Variants in ARHGAP10 observed in about 807,000 individuals in gnomAD.
ARHGAP10 encodes rho GTPase-activating protein 10.
ARHGAP10 carries 87 observed loss-of-function variants against 108.6 expected under a neutral mutation model. The observed-to-expected ratio is 0.80, with a 90% CI of 0.67 to 0.96. The LOEUF (loss-of-function observed/expected upper bound fraction) is 0.96, where lower values mean the gene tolerates loss of function less well. ARHGAP10 is among the 40% of genes least tolerant of loss of function. The pLI is 0.00. For missense variants in ARHGAP10, 939 were observed against 954.5 expected, an observed-to-expected ratio of 0.98 and a Z score of 0.21; for synonymous variants, 347 against 341.1, an observed-to-expected ratio of 1.02 and a Z score of -0.19.
chr4:147,999,398 C>T (rs1009393257), intron 18 of ARHGAP10, among the ~76,000 whole-genome samples: 11 of 152,240 alleles, frequency 7.2e-5, no homozygotes, highest in Admixed American at 5.2e-4. Context: ...TCTTCTGGTC[C>T]GTGTTTGTTA....
chr4:147,824,852 C>G (rs1732641222), intron 3 of ARHGAP10, among the ~76,000 whole-genome samples: 1 of 152,190 alleles, frequency 6.6e-6, no homozygotes, highest in Non-Finnish European at 1.5e-5. Flanking sequence ...CAAACCATAT[C>G]AGCCAGGAGC....
At chr4:147,970,863 A>G (rs913296248) in intron 18 of ARHGAP10, among the ~76,000 whole-genome samples, 12 of 152,162 alleles carry the variant, frequency 7.9e-5, no homozygotes, top group South Asian at 4.1e-4. Context: ...CAAGGCGGGC[A>G]GATCACCTGA....
intron 18 of ARHGAP10, among the ~76,000 whole-genome samples, chr4:148,005,791 A>T (rs1204137601): frequency 1.3e-5 from 2 of 152,272 alleles, no homozygotes; most frequent in Non-Finnish European, 2.9e-5. Context: ...AACGTGAAGC[A>T]GTGAGAGAAG....
At chr4:147,966,137 T>G (rs910670782) in intron 17 of ARHGAP10, among the ~76,000 whole-genome samples, 3 of 152,246 alleles carry the variant, frequency 2.0e-5, no homozygotes, top group African/African-American at 7.2e-5. Flanking sequence ...AGTCTAGTAT[T>G]CCTTGGAAGC....
intron 15 of ARHGAP10, among the ~76,000 whole-genome samples, chr4:147,947,728 C>G (rs1418186440): frequency 6.6e-6 from 1 of 152,040 alleles, no homozygotes; most frequent in African/African-American, 2.4e-5. Context: ...TTTAACCATA[C>G]ATAGGGTTGT....
intron 1 of ARHGAP10, among the ~76,000 whole-genome samples, chr4:147,733,238 CTG>C (rs1728294343): frequency 6.6e-6 from 1 of 152,148 alleles, no homozygotes; most frequent in African/African-American, 2.4e-5. Flanking sequence ...GGAGAGATAA[CTG>C]TATTTTAGTG....
At chr4:147,975,841 T>C (rs1739571926) in intron 18 of ARHGAP10, among the ~76,000 whole-genome samples, 1 of 152,238 alleles carries the variant, frequency 6.6e-6, no homozygotes, top group Non-Finnish European at 1.5e-5. Context: ...AGAATAATGT[T>C]ACGTGCACAT....
At chr4:147,935,007 G>A (rs368149785) in intron 13 of ARHGAP10, among the ~76,000 whole-genome samples, 3 of 152,186 alleles carry the variant, frequency 2.0e-5, no homozygotes, top group East Asian at 3.8e-4. Context: ...AACCAGAATA[G>A]CACCTGGCAC....
chr4:147,763,873 G>A lies in ARHGAP10; in HGVS notation c.154+31418G>A, dbSNP rs1019216143. Among the ~76,000 whole-genome samples the A allele has an allele frequency of 8.6e-5, 13 of 150,628 alleles. No individual in the cohort carries two copies. The East Asian group carries it at 2.6e-3, about 30-fold the overall frequency. On this transcript the variant is annotated intron_variant, in intron 1 of 22. Transcript: ENST00000336498. ...GGGCTCAGGTGATTCTTGTGCCTCA[G>A]CCTCCTGAGTAGCTGGGATTACAGG... is the stretch of plus-strand genomic sequence containing the variant.
chr4:147,766,288 T>C (rs1044996296), intron 1 of ARHGAP10, among the ~76,000 whole-genome samples: 1 of 151,936 alleles, frequency 6.6e-6, no homozygotes, highest in African/African-American at 2.4e-5. Flanking sequence ...AGACTCCATC[T>C]GAGGTGGGTA....
At chr4:147,937,345 T>G (rs1465410178) in intron 13 of ARHGAP10, among the ~76,000 whole-genome samples, 1 of 152,168 alleles carries the variant, frequency 6.6e-6, no homozygotes, top group Non-Finnish European at 1.5e-5. Context: ...TCATGGTGGA[T>G]TTGTGCCCAC....
intron 1 of ARHGAP10, among the ~76,000 whole-genome samples, chr4:147,753,413 G>C (rs1244459498): frequency 6.6e-6 from 1 of 150,504 alleles, no homozygotes; most frequent in Non-Finnish European, 1.5e-5. Context: ...ATGTGATCTC[G>C]GCTCACTACA....
chr4:147,838,398 AT>A (rs1365171548), intron 3 of ARHGAP10, among the ~76,000 whole-genome samples: 1 of 151,782 alleles, frequency 6.6e-6, no homozygotes, highest in East Asian at 1.9e-4. Flanking sequence ...TCAGCCCATG[AT>A]TTCGAGGCTG....
chr4:147,912,852 T>C (rs907385602), intron 12 of ARHGAP10, among the ~76,000 whole-genome samples: 1 of 151,522 alleles, frequency 6.6e-6, no homozygotes, highest in Non-Finnish European at 1.5e-5. Context: ...CTCACCATGT[T>C]CCCCAGGCAA....
At chr4:147,964,418 G>C (rs1560848581) in intron 16 of ARHGAP10, among the ~76,000 whole-genome samples, 1 of 152,088 alleles carries the variant, frequency 6.6e-6, no homozygotes. Context: ...GCTTCCCCAC[G>C]TGGCTGTGCA....
chr4:147,786,139 G>A (rs1730880876), intron 1 of ARHGAP10, among the ~76,000 whole-genome samples: 1 of 152,134 alleles, frequency 6.6e-6, no homozygotes, highest in South Asian at 2.1e-4. Flanking sequence ...GAGGAGCTGT[G>A]AAATCTCTAA....
At chr4:148,027,559 T>A (rs1206114510) in intron 19 of ARHGAP10, among the ~76,000 whole-genome samples, 1 of 152,208 alleles carries the variant, frequency 6.6e-6, no homozygotes, top group African/African-American at 2.4e-5. Flanking sequence ...GGATAAACAA[T>A]GACACGTGAT....
chr4:147,768,461 C>G (rs1268873734), intron 1 of ARHGAP10, among the ~76,000 whole-genome samples: 1 of 151,824 alleles, frequency 6.6e-6, no homozygotes, highest in African/African-American at 2.4e-5. Flanking sequence ...AGTAACGTAA[C>G]TTGCCAAATT....
At chr4:148,034,414 T>A (rs1728282954) in intron 19 of ARHGAP10, among the ~76,000 whole-genome samples, 1 of 152,108 alleles carries the variant, frequency 6.6e-6, no homozygotes, top group Non-Finnish European at 1.5e-5. Context: ...GCCTCCCAGG[T>A]TCAAGTGATT....
Sources: allele counts gnomAD v4.1 joint callset (sites outside exome capture counted in the v4.1 genomes callset), GRCh38; gene constraint gnomAD v4.1.1; transcripts MANE v1.5; gene names NCBI Gene and HGNC (gene_info 2026-07-23, HGNC 2026-07-21).